MMP26: variants seen among roughly 807,000 people sequenced by gnomAD.
MMP26 encodes matrix metalloproteinase-26.
A neutral mutation model predicts 31.0 loss-of-function variants in MMP26; 33 were observed. The observed-to-expected ratio is 1.06, with a 90% CI of 0.81 to 1.42. The LOEUF (loss-of-function observed/expected upper bound fraction) is 1.42, where lower values mean the gene tolerates loss of function less well. Among genes scored for constraint, MMP26 ranks in the 40% most tolerant of loss-of-function variants. The pLI is 0.00. For synonymous variants in MMP26, 122 were observed against 114.9 expected (o/e 1.06, Z -0.40); for missense variants, 347 against 316.1 (o/e 1.10, Z -0.74).
At chr11:4,962,411 A>G (rs1377706680) in intron 2 of MMP26, among the ~76,000 whole-genome samples, 1 of 152,194 alleles carries the variant, frequency 6.6e-6, no homozygotes, top group African/African-American at 2.4e-5. Flanking sequence ...TTATTTATCA[A>G]TAGAAAAATA....
At chr11:4,716,211 G>C (rs1398376217) in intron 1 of MMP26, among the ~76,000 whole-genome samples, 1 of 152,188 alleles carries the variant, frequency 6.6e-6, no homozygotes, top group Admixed American at 6.5e-5. Context: ...ACATGGTACT[G>C]GCTGGAATTT....
At chr11:4,940,873 C>T (rs1040783876) in intron 2 of MMP26, among the ~76,000 whole-genome samples, 11 of 152,074 alleles carry the variant, frequency 7.2e-5, no homozygotes, top group Middle Eastern at 3.2e-3. Context: ...GTTGTTTTAG[C>T]GTCCCAAGTT....
At chr11:4,753,513 G>T (rs1848471816) in intron 1 of MMP26, among the ~76,000 whole-genome samples, 1 of 152,042 alleles carries the variant, frequency 6.6e-6, no homozygotes. Context: ...ACTAATCCTT[G>T]TTTAGTGGAG....
intron 2 of MMP26, among the ~76,000 whole-genome samples, chr11:4,894,266 G>C (rs1218174063): frequency 6.6e-6 from 1 of 152,130 alleles, no homozygotes; most frequent in Non-Finnish European, 1.5e-5. Flanking sequence ...CTGATTTACA[G>C]ATTTGAAAAC....
intron 1 of MMP26, among the ~76,000 whole-genome samples, chr11:4,728,948 T>G (rs1308827398): frequency 1.3e-5 from 2 of 151,808 alleles, no homozygotes; most frequent in Admixed American, 6.6e-5. Context: ...TGCACGTTGA[T>G]GTATATAATA....
At chr11:4,948,657 T>G (rs1846342871) in intron 2 of MMP26, among the ~76,000 whole-genome samples, 1 of 123,974 alleles carries the variant, frequency 8.1e-6, no homozygotes, top group African/African-American at 2.7e-5. Context: ...ATAGAGATCC[T>G]AAGGAAAAGG....
At chr11:4,866,019 A>T (rs536473890) in intron 2 of MMP26, among the ~76,000 whole-genome samples, 1 of 152,298 alleles carries the variant, frequency 6.6e-6, no homozygotes, top group African/African-American at 2.4e-5. Flanking sequence ...AATGTATGCT[A>T]CACACACCAC....
intron 2 of MMP26, chr11:4,804,032 C>A (rs1422416076): frequency 2.5e-6 from 4 of 1,613,888 alleles, no homozygotes; most frequent in Non-Finnish European, 3.4e-6. Context: ...GCCATGAGCA[C>A]CCCAGACTCC....
Position 4,848,289 on chromosome 11 carries a change from C to T in MMP26, c.-145+80948C>T, listed in dbSNP as rs1298761992. 2 of 1,613,846 alleles carry T rather than the reference C, an allele frequency of 1.2e-6. No individual in the cohort carries two copies. The highest frequency in any genetic ancestry group is 1.7e-4 in the Middle Eastern group (1 of 6,058). On this transcript the variant is annotated intron_variant, in intron 2 of 7. Transcript: ENST00000380390. ...CTGCAACCTGTTGAGTATTCTCTTTCTAATCTCCTTCATCTTGACACTATA... is the reference window on the plus strand; with the variant it reads ...CTGCAACCTGTTGAGTATTCTCTTTTTAATCTCCTTCATCTTGACACTATA...
chr11:4,941,634 C>G (rs1244568374), intron 2 of MMP26, among the ~76,000 whole-genome samples: 1 of 152,160 alleles, frequency 6.6e-6, no homozygotes, highest in Non-Finnish European at 1.5e-5. Flanking sequence ...TCATCCAAGA[C>G]CATCATGCTT....
chr11:4,812,204 A>G (rs924293728), intron 2 of MMP26, among the ~76,000 whole-genome samples: 40 of 152,200 alleles, frequency 2.6e-4, no homozygotes, highest in African/African-American at 8.4e-4. Context: ...CAGCATATCT[A>G]TGTAGAAATA....
At chr11:4,929,268 A>G (rs1460797458) in intron 2 of MMP26, among the ~76,000 whole-genome samples, 5 of 152,092 alleles carry the variant, frequency 3.3e-5, no homozygotes, top group African/African-American at 1.2e-4. Context: ...TGAGAACGTT[A>G]TTTTATAATA....
At chr11:4,891,022 A>AATAAT (rs1850613357) in intron 2 of MMP26, among the ~76,000 whole-genome samples, 1 of 148,628 alleles carries the variant, frequency 6.7e-6, no homozygotes, top group Non-Finnish European at 1.5e-5. Context: ...TAATAATAAT[A>AATAAT]ATAAAAGTAA....
chr11:4,914,320 T>G, intron 2 of MMP26: 1 of 165,136 alleles, frequency 6.1e-6, no homozygotes, highest in Non-Finnish European at 1.3e-5. Flanking sequence ...ACAGAAACAG[T>G]GGTGGAATGG....
chr11:4,934,476 C>T, intron 2 of MMP26, among the ~76,000 whole-genome samples: 1 of 120,886 alleles, frequency 8.3e-6, no homozygotes, highest in Non-Finnish European at 1.7e-5. Context: ...TGGATATTAG[C>T]CCTTTGTCAG....
intron 2 of MMP26, among the ~76,000 whole-genome samples, chr11:4,771,281 G>A (rs1184046892): frequency 6.6e-6 from 1 of 152,294 alleles, no homozygotes; most frequent in East Asian, 1.9e-4. Context: ...TGTAGAGCAT[G>A]AGTAACCTTC....
chr11:4,974,932 C>G (rs1846716104), intron 2 of MMP26, among the ~76,000 whole-genome samples: 1 of 151,772 alleles, frequency 6.6e-6, no homozygotes, highest in Non-Finnish European at 1.5e-5. Flanking sequence ...GGGAGAGGAA[C>G]AACACACACT....
In MMP26 at chr11:4,951,001, C is replaced by T. The variant is rs373148607; in HGVS notation, c.-144-37067C>T. Among the ~76,000 whole-genome samples, 91 of 123,462 alleles carry T rather than the reference C, an allele frequency of 7.4e-4. 15 individuals are homozygous for T. Among genetic ancestry groups the T allele is most frequent in the African/African-American group, 2.3e-3 (83 of 36,586 alleles). 81.0% of individuals were successfully genotyped at this position (123,462 alleles called of 152,430 possible). ...CTTCTATAGGTACATAAATACCTACCCTATGACTTAAAATATCATTTCTAA... is the reference window on the plus strand; with the variant it reads ...CTTCTATAGGTACATAAATACCTACTCTATGACTTAAAATATCATTTCTAA... On this transcript the variant is annotated intron_variant, in intron 2 of 7. Coordinates refer to ENST00000380390, the MANE Select transcript of MMP26 (RefSeq NM_021801.5).
intron 4 of MMP26, 62 bp downstream of exon 4, chr11:4,989,930 C>T: frequency 1.5e-6 from 2 of 1,356,302 alleles, no homozygotes; most frequent in Non-Finnish European, 1.0e-6. Context: ...GGCTTTCTAC[C>T]AGGTCTCTCC....
Sources: allele counts gnomAD v4.1 joint callset (sites outside exome capture counted in the v4.1 genomes callset), GRCh38; gene constraint gnomAD v4.1.1; transcripts MANE v1.5; gene names NCBI Gene and HGNC (gene_info 2026-07-23, HGNC 2026-07-21).